The following PPARA variants were observed in gnomAD, a reference collection of about 807,000 sequenced individuals.
The protein encoded by PPARA is peroxisome proliferator-activated receptor alpha.
PPARA carries 22 observed loss-of-function variants against 42.2 expected under a neutral mutation model. The ratio of observed to expected loss-of-function variants is 0.52; its 90% confidence interval spans 0.37 to 0.74. The LOEUF (loss-of-function observed/expected upper bound fraction) is 0.74, where lower values mean the gene tolerates loss of function less well. PPARA is among the 30% of genes least tolerant of loss of function. The probability of loss-of-function intolerance (pLI) is 0.00; values close to 1 mark genes in which losing one functional copy is unlikely to be tolerated. For synonymous variants in PPARA, 242 were observed against 239.3 expected (o/e 1.01, Z -0.10); for missense variants, 465 against 608.2 (o/e 0.76, Z 2.48).
At chr22:46,181,932 G>A (rs1424939511) in intron 3 of PPARA, among the ~76,000 whole-genome samples, 1 of 152,256 alleles carries the variant, frequency 6.6e-6, no homozygotes, top group Non-Finnish European at 1.5e-5. Context: ...CTACTTCACT[G>A]GGATCAAGTG....
rs1413349016 is a variant in PPARA, at chr22:46,163,961, A to C, written c.-127+11991A>C. On this transcript the variant is annotated intron_variant, in intron 2 of 8. Transcript: ENST00000407236. This position sits in a 1 kb window ranked among gnomAD's most constrained non-coding sequence, Gnocchi z 4.9. ...CCGAGTGCGGTGGCTCACGCTTGTA[A>C]TCCCAGCACTTTGGGAGGCTGAGGC... 6.6e-6 allele frequency: 1 copy of C among 152,306 alleles called. No homozygotes were observed. Among genetic ancestry groups the C allele is most frequent in the Admixed American group, 6.6e-5 (1 of 15,264 alleles). 9.4% of individuals were successfully genotyped at this position (152,306 alleles called of 1,614,324 possible). A position where few individuals can be genotyped will look rare whatever the true frequency, so the allele number is the denominator to read the frequency against.
chr22:46,158,065 C>G (rs996101445), intron 2 of PPARA, among the ~76,000 whole-genome samples: 2 of 152,102 alleles, frequency 1.3e-5, no homozygotes, highest in African/African-American at 4.8e-5. Context: ...TATAGTAAAG[C>G]AGAATATTGA....
rs546508460 is a variant in PPARA at position 46,193,563 on chromosome 22, A to G, written c.-42-4779A>G. 6.6e-6 allele frequency among the ~76,000 whole-genome samples: 1 copy of G among 152,314 alleles called. No homozygotes were observed. Among genetic ancestry groups the G allele is most frequent in the African/African-American group, 2.4e-5 (1 of 41,570 alleles). On this transcript the variant is annotated intron_variant, in intron 3 of 8. Transcript: ENST00000407236. This position sits in a 1 kb window ranked among gnomAD's most constrained non-coding sequence, Gnocchi z 5.3. ...CATCTCATGTACCCCATAAATATATACACTGAGTATATACCACAAATATTT... is the reference window on the plus strand; with the variant it reads ...CATCTCATGTACCCCATAAATATATGCACTGAGTATATACCACAAATATTT...
At chr22:46,215,441 A>T in intron 5 of PPARA, 108 bp downstream of exon 5, 1 of 1,474,408 alleles carries the variant, frequency 6.8e-7, no homozygotes. Context: ...AGTCCCGGAT[A>T]AGAAACTGAC....
At chr22:46,194,259 A>G (rs556768748) in intron 3 of PPARA, among the ~76,000 whole-genome samples, 1 of 152,346 alleles carries the variant, frequency 6.6e-6, no homozygotes, top group East Asian at 1.9e-4. Context: ...CACTCTATAT[A>G]GAGATTGTAT....
chr22:46,182,847 C>T lies in PPARA; in HGVS notation c.-43+6011C>T, dbSNP rs894151628. 2.0e-5 allele frequency among the ~76,000 whole-genome samples: 3 copies of T among 152,138 alleles called. No homozygotes were observed. The highest frequency in any genetic ancestry group is 4.4e-5 in the Non-Finnish European group (3 of 68,026). On this transcript the variant is annotated intron_variant, in intron 3 of 8. Transcript: ENST00000407236. This position sits in a 1 kb window ranked among gnomAD's most constrained non-coding sequence, Gnocchi z 5.2. ...GTAACCTCCGCCTCCCGGGTTCAAG[C>T]GATTCTCATGCCTCAGCCTCCCAAG...
chr22:46,174,628 G>A (rs1187663558), intron 2 of PPARA, among the ~76,000 whole-genome samples: 1 of 151,810 alleles, frequency 6.6e-6, no homozygotes, highest in African/African-American at 2.4e-5. Flanking sequence ...AACAGCCTGG[G>A]AAACATAGTG....
rs1278260768 is a variant in PPARA at position 46,231,570 on chromosome 22, CTA to C, written c.712-220_712-219del. 2.0e-4 allele frequency among the ~76,000 whole-genome samples: 31 copies of C among 152,122 alleles called. No homozygotes were observed. Among genetic ancestry groups the C allele is most frequent in the African/African-American group, 7.5e-4 (31 of 41,418 alleles). ...AAATCCACCCAATGTCAGGCGATGA[CTA>C]TTATTATTTTACTGATTTATACTGT... On this transcript the variant is annotated intron_variant, in intron 7 of 8. Coordinates refer to ENST00000407236, the MANE Select transcript of PPARA (RefSeq NM_005036.6). The surrounding 1 kb of genome is among the most constrained non-coding windows in gnomAD (Gnocchi z 7.7).
At position 46,234,658 on chromosome 22, in the gene PPARA, G is replaced by A. The variant is rs534067521; in HGVS notation, c.1160-475G>A. ...TCTGGGATTACAGGCGTGAGCCACCGTGCCTGGCCTACAAAACCTAGTTCT... is the reference window on the plus strand; with the variant it reads ...TCTGGGATTACAGGCGTGAGCCACCATGCCTGGCCTACAAAACCTAGTTCT... On this transcript the variant is annotated intron_variant, in intron 8 of 8. Coordinates refer to ENST00000407236, the MANE Select transcript of PPARA (RefSeq NM_005036.6). This position sits in a 1 kb window ranked among gnomAD's most constrained non-coding sequence, Gnocchi z 5.8. Among the ~76,000 whole-genome samples, 5 of 152,268 alleles carry A rather than the reference G, an allele frequency of 3.3e-5. No homozygotes were observed. The highest frequency in any genetic ancestry group is 2.1e-4 in the South Asian group (1 of 4,818).
rs1935757254 is a variant in PPARA, at chr22:46,230,031, T to G, written c.712-1761T>G. Among the ~76,000 whole-genome samples the G allele has an allele frequency of 2.0e-5, 3 of 152,228 alleles. No homozygotes were observed. The highest frequency in any genetic ancestry group is 7.2e-5 in the African/African-American group (3 of 41,452). Reference sequence around the variant, plus strand: ...CTGGCAGGGGGCATTCTTTAAATCCTGGGATGCTTCTGCGCTTTGGGCTCC... The same window carrying G: ...CTGGCAGGGGGCATTCTTTAAATCCGGGGATGCTTCTGCGCTTTGGGCTCC... On this transcript the variant is annotated intron_variant, in intron 7 of 8. Coordinates refer to ENST00000407236, the MANE Select transcript of PPARA (RefSeq NM_005036.6). This position sits in a 1 kb window ranked among gnomAD's most constrained non-coding sequence, Gnocchi z 5.0.
chr22:46,151,607 G>T (rs1924444461), intron 1 of PPARA, among the ~76,000 whole-genome samples: 1 of 152,260 alleles, frequency 6.6e-6, no homozygotes. Flanking sequence ...TTGTCCAATG[G>T]CCTGGGCTTC....
In PPARA at chr22:46,235,099, A is replaced by C; in HGVS notation, c.1160-34A>C. 1 of 1,613,776 alleles carries C rather than the reference A, an allele frequency of 6.2e-7. No individual in the cohort carries two copies. Among genetic ancestry groups the C allele is most frequent in the Non-Finnish European group, 8.5e-7 (1 of 1,179,718 alleles). On this transcript the variant is annotated intron_variant, in intron 8 of 8. Transcript: ENST00000407236. This position sits in a 1 kb window ranked among gnomAD's most constrained non-coding sequence, Gnocchi z 7.0. ...GATAAGCAGTTCTTGGGTGATTATC[A>C]CACTCAAACCTCTCTCTCTTCTTTC...
chr22:46,165,017 C>A lies in PPARA; in HGVS notation c.-126-11736C>A, dbSNP rs922662077. ...TTGGGGAACTCCATTTCTTTTTTTA[C>A]ATTTTTATTTATTTTCATTTGTTTA... On this transcript the variant is annotated intron_variant, in intron 2 of 8. Coordinates refer to ENST00000407236, the MANE Select transcript of PPARA (RefSeq NM_005036.6). This position sits in a 1 kb window ranked among gnomAD's most constrained non-coding sequence, Gnocchi z 5.5. 6.6e-6 allele frequency: 1 copy of A among 152,028 alleles called. No homozygotes were observed. Among genetic ancestry groups the A allele is most frequent in the Non-Finnish European group, 1.5e-5 (1 of 68,004 alleles). The allele number at this position is 152,028 out of a possible 1,614,324, so 9.4% of individuals were successfully genotyped here. A position where few individuals can be genotyped will look rare whatever the true frequency, so the allele number is the denominator to read the frequency against.
In PPARA at chr22:46,184,114, A is replaced by C. The variant is rs7289836; in HGVS notation, c.-43+7278A>C. Among the ~76,000 whole-genome samples, 2,064 of 152,312 alleles carry C rather than the reference A, an allele frequency of 0.014. 41 individuals are homozygous for C. Among genetic ancestry groups the C allele is most frequent in the African/African-American group, 0.047 (1,962 of 41,568 alleles). On this transcript the variant is annotated intron_variant, in intron 3 of 8. Transcript: ENST00000407236. This position sits in a 1 kb window ranked among gnomAD's most constrained non-coding sequence, Gnocchi z 4.4. ...TAAGGGCTCAAAAAGTGTTAGCTGG[A>C]ACTACTATCATTATCAACATCTCTA...
Position 46,190,357 on chromosome 22 carries a change from T to G in PPARA, c.-42-7985T>G, listed in dbSNP as rs762304941. Reference sequence around the variant, plus strand: ...GGGTGGCATTATTAAGCATATTAAGTGGTTACAATACAGTAAATTAGAGGG... The same window carrying G: ...GGGTGGCATTATTAAGCATATTAAGGGGTTACAATACAGTAAATTAGAGGG... On this transcript the variant is annotated intron_variant, in intron 3 of 8. Transcript: ENST00000407236. This position sits in a 1 kb window ranked among gnomAD's most constrained non-coding sequence, Gnocchi z 5.6. 6.6e-6 allele frequency among the ~76,000 whole-genome samples: 1 copy of G among 152,146 alleles called. No individual in the cohort carries two copies. The highest frequency in any genetic ancestry group is 1.5e-5 in the Non-Finnish European group (1 of 68,026).
In PPARA at chr22:46,171,969, C is replaced by T. The variant is rs534483780; in HGVS notation, c.-126-4784C>T. Among the ~76,000 whole-genome samples the T allele has an allele frequency of 5.9e-5, 9 of 152,186 alleles. No individual in the cohort carries two copies. Among genetic ancestry groups the T allele is most frequent in the South Asian group, 4.2e-4 (2 of 4,816 alleles). On this transcript the variant is annotated intron_variant, in intron 2 of 8. Transcript: ENST00000407236. This position sits in a 1 kb window ranked among gnomAD's most constrained non-coding sequence, Gnocchi z 5.0. ...CAGAGGGGCCTGAAGGGGTGGGGCCCGGCCAAGCAAGGTGGCTAAGTGGGA... is the reference window on the plus strand; with the variant it reads ...CAGAGGGGCCTGAAGGGGTGGGGCCTGGCCAAGCAAGGTGGCTAAGTGGGA...
chr22:46,172,335 A>C (rs963561628), intron 2 of PPARA, among the ~76,000 whole-genome samples: 5 of 151,840 alleles, frequency 3.3e-5, no homozygotes, highest in African/African-American at 7.3e-5. Flanking sequence ...AAAAAAAAAA[A>C]AAAAACAGCA....
intron 3 of PPARA, among the ~76,000 whole-genome samples, chr22:46,197,534 G>A (rs1288178552): frequency 6.6e-6 from 1 of 152,212 alleles, no homozygotes; most frequent in Admixed American, 6.5e-5. Context: ...AAGCCTGGAG[G>A]AGAGGCTCAG....
At chr22:46,199,914 G>T (rs1010796971) in intron 4 of PPARA, among the ~76,000 whole-genome samples, 9 of 152,002 alleles carry the variant, frequency 5.9e-5, no homozygotes, top group Non-Finnish European at 1.2e-4. Flanking sequence ...GTAGAGATGG[G>T]GTTTCACCGT....
Sources: allele counts gnomAD v4.1 joint callset (sites outside exome capture counted in the v4.1 genomes callset), GRCh38; gene constraint gnomAD v4.1.1; non-coding constraint Gnocchi (gnomAD v3.1); transcripts MANE v1.5; gene names NCBI Gene and HGNC (gene_info 2026-07-23, HGNC 2026-07-21).